The following TRIM5 variants were observed in gnomAD, a reference collection of about 807,000 sequenced individuals.
TRIM5 encodes the protein tripartite motif containing 5, also known as tripartite motif-containing protein 5.
Under a neutral mutation model 35.6 loss-of-function variants are expected in TRIM5, and 31 were observed. The ratio of observed to expected loss-of-function variants is 0.87; its 90% CI spans 0.65 to 1.18. TRIM5 has a LOEUF of 1.18. Among genes scored for constraint, TRIM5 ranks in the 50% most tolerant of loss-of-function variants. TRIM5 has a pLI of 0.00. For missense variants in TRIM5, 609 were observed against 591.6 expected (o/e 1.03, Z -0.31); for synonymous variants, 243 against 215.6 (o/e 1.13, Z -1.11).
chr11:5,601,801 G>A, the TRIM5 span, among the ~76,000 whole-genome samples: 1 of 152,106 alleles, frequency 6.6e-6, no homozygotes, highest in Non-Finnish European at 1.5e-5. Context: ...GGCCATTGCT[G>A]TTTCTTTGGT....
the TRIM5 span, chr11:5,610,964 G>C: frequency 6.2e-7 from 1 of 1,614,160 alleles, no homozygotes; most frequent in South Asian, 1.1e-5. Flanking sequence ...ATGTGGCCAA[G>C]AAGACTGCCT....
downstream of TRIM5, among the ~76,000 whole-genome samples, chr11:5,662,278 A>C (rs1367673794): frequency 6.6e-6 from 1 of 152,356 alleles, no homozygotes; most frequent in South Asian, 2.1e-4. Flanking sequence ...AAACAAAACA[A>C]AAAACTTCAG....
chr11:5,610,323 C>G, the TRIM5 span: 28 of 1,599,908 alleles, frequency 1.8e-5, no homozygotes, highest in Non-Finnish European at 2.3e-5. Flanking sequence ...AGGCTATAGT[C>G]GGTATTTGAG....
intron 4 of TRIM5, among the ~76,000 whole-genome samples, chr11:5,673,358 G>GT (rs1453537913): frequency 1.3e-5 from 2 of 152,032 alleles, no homozygotes; most frequent in Non-Finnish European, 2.9e-5. Context: ...TGAAAGAAAG[G>GT]TTCAATATGT....
At chr11:5,666,350 C>T (rs1282703547) in intron 5 of TRIM5, 8 of 492,590 alleles carry the variant, frequency 1.6e-5, no homozygotes, top group Admixed American at 3.3e-5. Flanking sequence ...TAACCTCTCC[C>T]TGTCTACATT....
the TRIM5 span, among the ~76,000 whole-genome samples, chr11:5,657,676 A>T: frequency 2.9e-3 from 109 of 37,056 alleles, 1 homozygote; most frequent in African/African-American, 0.014. Context: ...TTATAATATA[A>T]TATATATATA....
At chr11:5,632,734 G>A in the TRIM5 span, 1 of 1,606,324 alleles carries the variant, frequency 6.2e-7, no homozygotes, top group South Asian at 1.1e-5. Context: ...CCTCACGGAG[G>A]AAGTATTCAA....
chr11:5,603,331 G>A, the TRIM5 span: 1 of 1,614,106 alleles, frequency 6.2e-7, no homozygotes, highest in Non-Finnish European at 8.5e-7. Flanking sequence ...ACCAGTACTG[G>A]TGGACATACG....
chr11:5,614,740 AT>A, the TRIM5 span, among the ~76,000 whole-genome samples: 1 of 152,222 alleles, frequency 6.6e-6, no homozygotes, highest in Non-Finnish European at 1.5e-5. Flanking sequence ...TAGAGCTGGC[AT>A]GTAAGTTTGA....
downstream of TRIM5, among the ~76,000 whole-genome samples, chr11:5,658,980 C>T (rs868567752): frequency 2.0e-5 from 3 of 152,094 alleles, no homozygotes; most frequent in Non-Finnish European, 4.4e-5. Context: ...GGGCGGGGAA[C>T]ATCACACACT....
intron 4 of TRIM5, among the ~76,000 whole-genome samples, chr11:5,670,230 T>A (rs1281658699): frequency 1.6e-5 from 2 of 126,122 alleles, no homozygotes; most frequent in African/African-American, 6.3e-5. Flanking sequence ...CAGGCTGGAG[T>A]GCAGTGGTGC....
the TRIM5 span, among the ~76,000 whole-genome samples, chr11:5,615,844 C>T: frequency 1.3e-5 from 2 of 151,714 alleles, no homozygotes; most frequent in Non-Finnish European, 2.9e-5. Context: ...CCACCCGCCT[C>T]GGCCTCCCAA....
chr11:5,676,321 CAGAG>C (rs1851977925), intron 4 of TRIM5, among the ~76,000 whole-genome samples: 1 of 152,014 alleles, frequency 6.6e-6, no homozygotes, highest in Non-Finnish European at 1.5e-5. Context: ...AACAGACAAA[CAGAG>C]AGCCAAATCA....
the TRIM5 span, among the ~76,000 whole-genome samples, chr11:5,655,161 C>T: frequency 6.6e-5 from 10 of 151,038 alleles, no homozygotes; most frequent in Non-Finnish European, 1.5e-4. Flanking sequence ...CCATTGCACT[C>T]CAGCTTGGGC....
chr11:5,615,631 T>A, the TRIM5 span, among the ~76,000 whole-genome samples: 6 of 152,136 alleles, frequency 3.9e-5, no homozygotes, highest in African/African-American at 1.4e-4. Flanking sequence ...TCTCGTTCTG[T>A]CATCCAGGCT....
chr11:5,665,046 A>G lies in TRIM5; in HGVS notation c.1245T>C (p.Asp415=). ...EEGVKCSAFQ[D]SSFHTPSVPF... ...GAACAGAAGGAGTATGGAAGGAACT[A>G]TCCTGGAAAGCACTACATTTAACTC... Residue 415 remains aspartate (D), a synonymous_variant, in exon 8 of 8, where the codon GAT becomes GAC. Transcript: ENST00000380034. 5.0e-6 allele frequency: 8 copies of G among 1,614,154 alleles called. No homozygotes were observed. The highest frequency in any genetic ancestry group is 6.8e-6 in the Non-Finnish European group (8 of 1,180,030).
the TRIM5 span, chr11:5,634,488 TAAATAC>T: frequency 2.4e-6 from 1 of 418,790 alleles, no homozygotes. Flanking sequence ...ACAGATAATA[TAAATAC>T]ACACACACAC....
At chr11:5,592,914 C>CAAAAAA in the TRIM5 span, among the ~76,000 whole-genome samples, 24 of 66,142 alleles carry the variant, frequency 3.6e-4, no homozygotes, top group East Asian at 2.9e-3. Flanking sequence ...GAGATTGTCT[C>CAAAAAA]AAAAAAAAAA....
the TRIM5 span, among the ~76,000 whole-genome samples, chr11:5,636,910 GC>G: frequency 6.6e-6 from 1 of 152,188 alleles, no homozygotes; most frequent in African/African-American, 2.4e-5. Flanking sequence ...ACTTTGGGAG[GC>G]CGAGGTGGGT....
Sources: gnomAD v4.1 joint callset for allele counts (sites outside exome capture counted in the v4.1 genomes callset) on GRCh38, gnomAD v4.1.1 for gene constraint, MANE v1.5 for transcripts, NCBI Gene and HGNC (gene_info 2026-07-23, HGNC 2026-07-21) for gene names.